P3H2: variants seen among roughly 807,000 people sequenced by gnomAD.
The protein encoded by P3H2 is leprecan-like 1.
A neutral mutation model predicts 87.0 loss-of-function variants in P3H2; 80 were observed. The observed-to-expected ratio is 0.92, with a 90% confidence interval of 0.77 to 1.11. The LOEUF is 1.11. Among genes scored for constraint, P3H2 ranks in the 50% least tolerant of loss-of-function variants. P3H2 has a pLI of 0.00. For missense variants in P3H2, 1,001 were observed against 923.9 expected (o/e 1.08, Z -1.08); for synonymous variants, 367 against 359.3 (o/e 1.02, Z -0.24).
At chr3:189,980,466 G>A (rs924607404) in intron 8 of P3H2, among the ~76,000 whole-genome samples, 2 of 152,180 alleles carry the variant, frequency 1.3e-5, no homozygotes, top group Admixed American at 1.3e-4. Flanking sequence ...AGGAGGCTGA[G>A]GCAGAAGAAT....
intron 14 of P3H2, 184 bp downstream of exon 14, chr3:189,963,774 T>G (rs763901723): frequency 1.3e-5 from 9 of 677,900 alleles, no homozygotes; most frequent in Non-Finnish European, 2.1e-5. Context: ...CAAGACAGAT[T>G]AGTGACTATC....
At position 189,957,886 on chromosome 3, in the gene P3H2, A is replaced by G; in HGVS notation, c.*26T>C. ...CATAAGATTAACAATTTAAATAAATATTTGATAGAACATTCTTTCTCATTT... is the reference window on the plus strand; with the variant it reads ...CATAAGATTAACAATTTAAATAAATGTTTGATAGAACATTCTTTCTCATTT... On this transcript the variant is annotated 3_prime_UTR_variant, in exon 15 of 15. Coordinates refer to ENST00000319332, the MANE Select transcript of P3H2 (RefSeq NM_018192.4). 1 of 1,443,584 alleles carries G rather than the reference A, an allele frequency of 6.9e-7. No individual in the cohort carries two copies. The highest frequency in any genetic ancestry group is 9.8e-7 in the Non-Finnish European group (1 of 1,024,686). The allele number at this position is 1,443,584 out of a possible 1,614,324, so 89.4% of individuals were successfully genotyped here. A position where few individuals can be genotyped will look rare whatever the true frequency, so the allele number is the denominator to read the frequency against.
At chr3:190,005,316 C>A (rs1164277043) in intron 1 of P3H2, among the ~76,000 whole-genome samples, 7 of 152,056 alleles carry the variant, frequency 4.6e-5, no homozygotes, top group Admixed American at 6.5e-5. Context: ...CCTGTAAGTC[C>A]ACATGTTTCC....
At chr3:189,959,050 C>A (rs1349260510) in intron 14 of P3H2, among the ~76,000 whole-genome samples, 1 of 151,966 alleles carries the variant, frequency 6.6e-6, no homozygotes, top group Admixed American at 6.6e-5. Context: ...ACTGCCGCAG[C>A]CTCCAAATTG....
chr3:189,983,763 T>C (rs1723607934), intron 7 of P3H2, among the ~76,000 whole-genome samples: 1 of 152,214 alleles, frequency 6.6e-6, no homozygotes, highest in Non-Finnish European at 1.5e-5. Context: ...CCTTCCTTTG[T>C]GATGAGACTC....
intron 10 of P3H2, among the ~76,000 whole-genome samples, chr3:189,973,677 C>G (rs532736014): frequency 1.0e-3 from 155 of 152,016 alleles, no homozygotes; most frequent in African/African-American, 3.7e-3. Context: ...GCACCCACTA[C>G]CATGCCTGGC....
intron 1 of P3H2, among the ~76,000 whole-genome samples, chr3:190,088,743 A>T (rs1303263705): frequency 6.6e-6 from 1 of 152,338 alleles, no homozygotes; most frequent in East Asian, 1.9e-4. Context: ...CTCATTTTTT[A>T]AAAAAGTAAG....
chr3:189,974,869 T>C (rs1723301476), intron 8 of P3H2, among the ~76,000 whole-genome samples, 184 bp from the exon 9 acceptor site: 1 of 152,218 alleles, frequency 6.6e-6, no homozygotes, highest in Non-Finnish European at 1.5e-5. Context: ...GAGAAAGATG[T>C]CTATCGGGTT....
intron 1 of P3H2, among the ~76,000 whole-genome samples, chr3:190,049,241 C>T (rs967362382): frequency 6.7e-6 from 1 of 148,766 alleles, no homozygotes; most frequent in Non-Finnish European, 1.5e-5. Context: ...ATATGTGAGG[C>T]ACTACCTAAC....
intron 1 of P3H2, among the ~76,000 whole-genome samples, chr3:190,029,049 A>G (rs999059101): frequency 6.6e-6 from 1 of 152,230 alleles, no homozygotes; most frequent in Non-Finnish European, 1.5e-5. Context: ...GACTTAAAGA[A>G]AAATTTTCTC....
chr3:189,964,716 G>A (rs1340254646), intron 13 of P3H2, among the ~76,000 whole-genome samples: 3 of 152,212 alleles, frequency 2.0e-5, no homozygotes, highest in African/African-American at 7.2e-5. Context: ...CATCTCTAGT[G>A]GTGAGAACAC....
intron 1 of P3H2, among the ~76,000 whole-genome samples, chr3:190,071,957 C>T (rs967224892): frequency 1.4e-5 from 2 of 145,310 alleles, no homozygotes; most frequent in African/African-American, 5.1e-5. Flanking sequence ...ATAAAAAATG[C>T]ATATTAAAAC....
At chr3:189,974,525 G>A (rs377764873) in intron 9 of P3H2, 33 bp downstream of exon 9, 15 of 1,612,314 alleles carry the variant, frequency 9.3e-6, no homozygotes, top group Admixed American at 3.3e-5. Context: ...GCAGGCCAGC[G>A]CAGTGAGCTC....
chr3:189,980,549 CGA>C (rs1337762130), intron 8 of P3H2, among the ~76,000 whole-genome samples: 4 of 150,516 alleles, frequency 2.7e-5, no homozygotes, highest in Admixed American at 6.6e-5. Context: ...GGGGACAGAG[CGA>C]GACTCCATCT....
intron 8 of P3H2, among the ~76,000 whole-genome samples, chr3:189,982,499 C>T (rs1261088530): frequency 2.6e-5 from 4 of 152,176 alleles, no homozygotes; most frequent in Non-Finnish European, 5.9e-5. Flanking sequence ...ATGTTCCGCT[C>T]GCTTCGTCTC....
chr3:190,025,397 G>C (rs1228287747), intron 1 of P3H2, among the ~76,000 whole-genome samples: 1 of 152,058 alleles, frequency 6.6e-6, no homozygotes, highest in Non-Finnish European at 1.5e-5. Context: ...AGTTAGTCAA[G>C]ACTGTACACT....
intron 1 of P3H2, among the ~76,000 whole-genome samples, chr3:190,013,883 T>G (rs894579409): frequency 3.3e-5 from 5 of 152,242 alleles, no homozygotes; most frequent in Non-Finnish European, 7.3e-5. Context: ...AGATCAAGAA[T>G]TTGGTGTGAG....
rs1722676953 is a variant in P3H2 at position 189,957,606 on chromosome 3, G to A, written c.*306C>T. 2.3e-6 allele frequency: 1 copy of A among 441,212 alleles called. No homozygotes were observed. The highest frequency in any genetic ancestry group is 4.1e-6 in the Non-Finnish European group (1 of 246,166). 27.3% of individuals were successfully genotyped at this position (441,212 alleles called of 1,614,324 possible). A position where few individuals can be genotyped will look rare whatever the true frequency, so the allele number is the denominator to read the frequency against. On this transcript the variant is annotated 3_prime_UTR_variant, in exon 15 of 15. Coordinates refer to ENST00000319332, the MANE Select transcript of P3H2 (RefSeq NM_018192.4). ...CCGGGAGGCTTGAAGGATCGCCTGAGCCTAAGAGTTTGAGGCTCCAGTGTG... is the reference window on the plus strand; with the variant it reads ...CCGGGAGGCTTGAAGGATCGCCTGAACCTAAGAGTTTGAGGCTCCAGTGTG...
chr3:190,013,316 C>A (rs527957245), intron 1 of P3H2, among the ~76,000 whole-genome samples: 1 of 152,308 alleles, frequency 6.6e-6, no homozygotes, highest in East Asian at 1.9e-4. Flanking sequence ...AAAATTATGG[C>A]AGCTGGTTAC....
Sources: gnomAD v4.1 joint callset for allele counts (sites outside exome capture counted in the v4.1 genomes callset) on GRCh38, gnomAD v4.1.1 for gene constraint, MANE v1.5 for transcripts, NCBI Gene and HGNC (gene_info 2026-07-23, HGNC 2026-07-21) for gene names.